The following LY6S variants were observed in gnomAD, a reference collection of about 807,000 sequenced individuals.
The protein encoded by LY6S is lymphocyte antigen 6S.
chr8:143,048,041 G>A, the LY6S span: 2 of 152,182 alleles, frequency 1.3e-5, no homozygotes, highest in African/African-American at 4.8e-5. Context: ...GACAAGAATG[G>A]AGGCCTCACA....
the LY6S span, chr8:143,057,450 A>G: frequency 1.7e-6 from 1 of 575,574 alleles, no homozygotes; most frequent in Non-Finnish European, 3.2e-6. Flanking sequence ...GGGTTTCACC[A>G]TATTGGCCAG....
the LY6S span, among the ~76,000 whole-genome samples, chr8:143,051,496 G>A: frequency 0.012 from 1,839 of 151,908 alleles, 30 homozygotes; most frequent in East Asian, 0.069. Context: ...ACCCAAGATC[G>A]CACCATTGCA....
chr8:143,065,145 G>T, the LY6S span, among the ~76,000 whole-genome samples: 1 of 152,150 alleles, frequency 6.6e-6, no homozygotes, highest in African/African-American at 2.4e-5. Flanking sequence ...GCCCTGCTCT[G>T]GACTCTGTGA....
chr8:143,066,479 T>C, the LY6S span: 2 of 241,060 alleles, frequency 8.3e-6, no homozygotes, highest in Admixed American at 8.5e-5. Context: ...ATGAATTTCT[T>C]AATGGCCTTG....
the LY6S span, among the ~76,000 whole-genome samples, chr8:143,071,148 C>CGTGG: frequency 1.3e-5 from 2 of 151,790 alleles, no homozygotes; most frequent in African/African-American, 4.8e-5. Flanking sequence ...GAAGACCCGG[C>CGTGG]ATGGAATACA....
the LY6S span, among the ~76,000 whole-genome samples, chr8:143,073,471 G>A: frequency 5.2e-5 from 7 of 134,482 alleles, no homozygotes; most frequent in African/African-American, 1.2e-4. Flanking sequence ...CGTCCCCGGG[G>A]CTCCTGTTTG....
the LY6S span, among the ~76,000 whole-genome samples, chr8:143,064,517 A>G: frequency 6.6e-6 from 1 of 152,194 alleles, no homozygotes; most frequent in African/African-American, 2.4e-5. Context: ...TTCGATTGCA[A>G]GCTCCTCAAA....
chr8:143,070,460 AT>A, the LY6S span, among the ~76,000 whole-genome samples: 2 of 44,746 alleles, frequency 4.5e-5, no homozygotes, highest in African/African-American at 1.5e-4. Flanking sequence ...ATATATATAT[AT>A]ATAATATATA....
the LY6S span, chr8:143,043,133 C>A: frequency 7.3e-7 from 1 of 1,367,378 alleles, no homozygotes; most frequent in East Asian, 4.6e-5. Context: ...ACAGCAGGGC[C>A]CAGAGGAAGA....
chr8:143,049,695 C>G, the LY6S span, among the ~76,000 whole-genome samples: 1 of 152,234 alleles, frequency 6.6e-6, no homozygotes, highest in East Asian at 1.9e-4. Context: ...AATCTAATCC[C>G]ATTTCACCCC....
At chr8:143,064,931 C>T in the LY6S span, among the ~76,000 whole-genome samples, 1 of 152,166 alleles carries the variant, frequency 6.6e-6, no homozygotes, top group African/African-American at 2.4e-5. Context: ...TCCCAGAGAG[C>T]CTGCTCGTCT....
chr8:143,065,725 C>CCTTTCTTTCTCTTTCTTTCTCTTT, the LY6S span, among the ~76,000 whole-genome samples: 1 of 145,820 alleles, frequency 6.9e-6, no homozygotes, highest in South Asian at 2.2e-4. Context: ...GCCGGTTGTC[C>CCTTTCTTTCTCTTTCTTTCTCTTT]CTTTCTTTCT....
the LY6S span, among the ~76,000 whole-genome samples, chr8:143,076,273 G>A: frequency 1.3e-5 from 2 of 152,184 alleles, no homozygotes; most frequent in East Asian, 3.8e-4. Context: ...AGGGAGTGAG[G>A]GGCCAGAGTG....
At chr8:143,043,098 G>T in the LY6S span, 2 of 1,367,396 alleles carry the variant, frequency 1.5e-6, no homozygotes, top group Non-Finnish European at 2.0e-6. Context: ...GTAGGCCTGC[G>T]GGGGAGAGGG....
the LY6S span, among the ~76,000 whole-genome samples, chr8:143,043,493 C>T: frequency 0.012 from 1,846 of 152,210 alleles, 29 homozygotes; most frequent in East Asian, 0.069. Context: ...ACTTAGGGGA[C>T]GCTGAGGCCA....
chr8:143,067,679 G>A, the LY6S span, among the ~76,000 whole-genome samples: 2 of 152,218 alleles, frequency 1.3e-5, no homozygotes, highest in African/African-American at 4.8e-5. Flanking sequence ...GGGGAGTGTG[G>A]CAGGACAACA....
the LY6S span, chr8:143,043,390 G>A: frequency 7.9e-6 from 4 of 508,676 alleles, no homozygotes; most frequent in African/African-American, 2.0e-5. Flanking sequence ...GGGGCCTCAG[G>A]GGCTTTCTGC....
At chr8:143,068,816 T>C in the LY6S span, among the ~76,000 whole-genome samples, 1 of 152,096 alleles carries the variant, frequency 6.6e-6, no homozygotes, top group Non-Finnish European at 1.5e-5. Flanking sequence ...AAAACTACCA[T>C]GCTTAAGATA....
At chr8:143,074,129 T>C in the LY6S span, among the ~76,000 whole-genome samples, 1 of 152,252 alleles carries the variant, frequency 6.6e-6, no homozygotes. Flanking sequence ...TCCAGTTTTA[T>C]ACTTCATGGA....
Sources: allele counts gnomAD v4.1 joint callset (sites outside exome capture counted in the v4.1 genomes callset), GRCh38; gene constraint gnomAD v4.1.1; transcripts MANE v1.5; gene names NCBI Gene and HGNC (gene_info 2026-07-23, HGNC 2026-07-21).